The following ZMYM2 variants were observed in gnomAD, a reference collection of about 807,000 sequenced individuals.
The protein encoded by ZMYM2 is zinc finger MYM-type protein 2.
Under a neutral mutation model 162.8 loss-of-function variants are expected in ZMYM2, and 56 were observed. That is an observed-to-expected ratio of 0.34 (90% CI 0.28 to 0.43). The LOEUF (loss-of-function observed/expected upper bound fraction) is 0.43, where lower values mean the gene tolerates loss of function less well. ZMYM2 is among the 20% of genes least tolerant of loss of function. The pLI, the probability that ZMYM2 is intolerant of heterozygous loss-of-function variation, is 1.00. For missense variants in ZMYM2, 1,275 were observed against 1,621.8 expected, an observed-to-expected ratio of 0.79 and a Z score of 3.67; for synonymous variants, 510 against 541.6, an observed-to-expected ratio of 0.94 and a Z score of 0.81.
At chr13:19,973,940 A>G (rs1241686761) in intron 2 of ZMYM2, among the ~76,000 whole-genome samples, 1 of 152,124 alleles carries the variant, frequency 6.6e-6, no homozygotes, top group African/African-American at 2.4e-5. Flanking sequence ...AATATGGCCC[A>G]GGGAAGCCAA....
intron 12 of ZMYM2, among the ~76,000 whole-genome samples, chr13:20,042,310 A>G (rs951705322): frequency 3.9e-5 from 6 of 152,044 alleles, no homozygotes; most frequent in African/African-American, 1.2e-4. Flanking sequence ...AGGCCAGTCT[A>G]CCAGCTCTGA....
chr13:19,974,401 A>G (rs1956601215), intron 2 of ZMYM2, among the ~76,000 whole-genome samples: 1 of 151,556 alleles, frequency 6.6e-6, no homozygotes, highest in African/African-American at 2.4e-5. Context: ...TGTCTTTGTC[A>G]TCATTAATTT....
chr13:20,020,572 T>C (rs1951997855), intron 7 of ZMYM2, among the ~76,000 whole-genome samples: 1 of 152,050 alleles, frequency 6.6e-6, no homozygotes, highest in Non-Finnish European at 1.5e-5. Flanking sequence ...ACTCTCTTCT[T>C]CTGAGACCCC....
At chr13:20,059,805 G>A (rs1956096327) in intron 16 of ZMYM2, among the ~76,000 whole-genome samples, 1 of 151,954 alleles carries the variant, frequency 6.6e-6, no homozygotes, top group African/African-American at 2.4e-5. Context: ...GGAGGCTAAG[G>A]TAGGCGTATC....
At chr13:19,865,522 T>C in the ZMYM2 span, among the ~76,000 whole-genome samples, 1 of 152,354 alleles carries the variant, frequency 6.6e-6, no homozygotes, top group Admixed American at 6.5e-5. Flanking sequence ...GTCATCATTT[T>C]AATGACTGCT....
chr13:20,004,162 C>G (rs958034700), intron 4 of ZMYM2, among the ~76,000 whole-genome samples: 17 of 152,176 alleles, frequency 1.1e-4, no homozygotes, highest in African/African-American at 4.1e-4. Context: ...ACACAGATTG[C>G]TTTGCAGTAG....
intron 2 of ZMYM2, among the ~76,000 whole-genome samples, chr13:19,962,525 T>A (rs1364280772): frequency 2.4e-4 from 30 of 123,198 alleles, no homozygotes; most frequent in African/African-American, 9.9e-4. Context: ...ATTTTTTTTT[T>A]TTTTTTTTTT....
intron 2 of ZMYM2, among the ~76,000 whole-genome samples, chr13:19,971,256 ATATATAT>A (rs1435628395): frequency 3.2e-4 from 32 of 99,488 alleles, no homozygotes; most frequent in South Asian, 7.1e-4. Context: ...ATATATATAT[ATATATAT>A]TTTTTTTTTT....
intron 8 of ZMYM2, 29 bp from the exon 9 acceptor site, chr13:20,027,174 A>G (rs1160645884): frequency 1.4e-6 from 2 of 1,480,902 alleles, no homozygotes; most frequent in East Asian, 5.0e-5. Context: ...CTTTATAAAC[A>G]AATCAGATAT....
At chr13:20,030,019 T>C (rs1459970868) in intron 9 of ZMYM2, among the ~76,000 whole-genome samples, 1 of 152,004 alleles carries the variant, frequency 6.6e-6, no homozygotes, top group East Asian at 1.9e-4. Flanking sequence ...GGTCTCGAAC[T>C]CCTGACTTCC....
intron 12 of ZMYM2, among the ~76,000 whole-genome samples, chr13:20,039,752 A>G (rs1348303338): frequency 1.3e-5 from 2 of 152,196 alleles, no homozygotes; most frequent in African/African-American, 4.8e-5. Context: ...CTGGGATTAC[A>G]GGCGTGAGCC....
At chr13:19,868,902 C>T in the ZMYM2 span, among the ~76,000 whole-genome samples, 3 of 152,296 alleles carry the variant, frequency 2.0e-5, no homozygotes, top group Admixed American at 1.3e-4. Flanking sequence ...AGGCGCCTGC[C>T]ACCATGCCTG....
intron 6 of ZMYM2, among the ~76,000 whole-genome samples, chr13:20,012,178 C>T (rs1006741709): frequency 6.6e-6 from 1 of 151,418 alleles, no homozygotes; most frequent in African/African-American, 2.4e-5. Flanking sequence ...AGCCTCCGCC[C>T]CTGGTCTTTT....
At chr13:19,933,207 C>T in the ZMYM2 span, among the ~76,000 whole-genome samples, 1 of 152,156 alleles carries the variant, frequency 6.6e-6, no homozygotes, top group South Asian at 2.1e-4. Flanking sequence ...CCACATTGGC[C>T]TCCAAAGTGC....
chr13:19,961,269 G>A (rs376144658), intron 2 of ZMYM2, among the ~76,000 whole-genome samples: 9 of 152,140 alleles, frequency 5.9e-5, no homozygotes, highest in African/African-American at 2.2e-4. Context: ...TAATTATCAC[G>A]AAAACCCAGT....
chr13:19,892,252 GATTT>G, the ZMYM2 span, among the ~76,000 whole-genome samples: 1 of 151,262 alleles, frequency 6.6e-6, no homozygotes, highest in South Asian at 2.1e-4. Context: ...CTTCATTAAT[GATTT>G]ATTTATTTTT....
At chr13:20,045,873 G>A (rs889816378) in intron 12 of ZMYM2, among the ~76,000 whole-genome samples, 20 of 151,814 alleles carry the variant, frequency 1.3e-4, no homozygotes, top group African/African-American at 4.3e-4. Flanking sequence ...TTTTTTTGTT[G>A]TTGTTCACAG....
At chr13:19,931,971 A>G in the ZMYM2 span, among the ~76,000 whole-genome samples, 1 of 152,280 alleles carries the variant, frequency 6.6e-6, no homozygotes, top group African/African-American at 2.4e-5. Flanking sequence ...ATTTCCAAAA[A>G]GGTAGTACTT....
At chr13:19,915,308 T>C in the ZMYM2 span, among the ~76,000 whole-genome samples, 1 of 152,098 alleles carries the variant, frequency 6.6e-6, no homozygotes, top group Non-Finnish European at 1.5e-5. Context: ...TTGGCCAGGT[T>C]GGTCTTGAAC....
Sources: allele counts gnomAD v4.1 joint callset (sites outside exome capture counted in the v4.1 genomes callset), GRCh38; gene constraint gnomAD v4.1.1; transcripts MANE v1.5; gene names NCBI Gene and HGNC (gene_info 2026-07-23, HGNC 2026-07-21).